The following PCDH9 variants were observed in gnomAD, a reference collection of about 807,000 sequenced individuals.
PCDH9 encodes the protein protocadherin-9.
In PCDH9, 24 loss-of-function variants were observed where a neutral mutation model predicts 70.6. The observed-to-expected ratio is 0.34, with a 90% CI of 0.25 to 0.48. The LOEUF (loss-of-function observed/expected upper bound fraction) is 0.48, where lower values mean the gene tolerates loss of function less well. PCDH9 is among the 20% of genes least tolerant of loss of function. PCDH9 has a pLI of 0.99. For synonymous variants in PCDH9, 562 were observed against 558.5 expected (o/e 1.01, Z -0.09); for missense variants, 1,281 against 1,503.6 (o/e 0.85, Z 2.45).
intron 2 of PCDH9, among the ~76,000 whole-genome samples, chr13:67,110,043 G>A (rs931905502): frequency 6.6e-6 from 1 of 152,008 alleles, no homozygotes; most frequent in Non-Finnish European, 1.5e-5. Flanking sequence ...TGATAATTTG[G>A]TCGCGGAGGC....
At chr13:67,216,279 T>C (rs1474621301) in intron 2 of PCDH9, 1 of 152,092 alleles carries the variant, frequency 6.6e-6, no homozygotes, top group Non-Finnish European at 1.5e-5. Flanking sequence ...TACCACTGCA[T>C]GGCAGAAAAT....
intron 2 of PCDH9, among the ~76,000 whole-genome samples, chr13:67,067,911 A>G (rs1413629164): frequency 6.6e-6 from 1 of 152,090 alleles, no homozygotes; most frequent in Non-Finnish European, 1.5e-5. Context: ...GGTCTGGCAA[A>G]CTTAGGTCAC....
At chr13:66,997,069 T>G (rs2084132203) in intron 2 of PCDH9, among the ~76,000 whole-genome samples, 1 of 152,200 alleles carries the variant, frequency 6.6e-6, no homozygotes, top group South Asian at 2.1e-4. Context: ...ATTATCATAT[T>G]GGAACTTGAA....
chr13:66,757,374 A>G (rs569513761), intron 3 of PCDH9, among the ~76,000 whole-genome samples: 13 of 152,144 alleles, frequency 8.5e-5, no homozygotes, highest in Non-Finnish European at 1.8e-4. Flanking sequence ...TTAGGTGACT[A>G]AATTATTTTT....
At chr13:66,305,114 A>C in intron 4 of PCDH9, 86 bp from the exon 5 acceptor site, 1 of 1,170,610 alleles carries the variant, frequency 8.5e-7, no homozygotes, top group South Asian at 1.7e-5. Context: ...GTATGTTATT[A>C]GTGATCTTAT....
At chr13:66,309,848 T>C (rs1480667763) in intron 4 of PCDH9, among the ~76,000 whole-genome samples, 2 of 151,788 alleles carry the variant, frequency 1.3e-5, no homozygotes, top group African/African-American at 2.4e-5. Context: ...TGCATCTGTG[T>C]TTTTTTCTGT....
chr13:66,391,280 T>C (rs566920914), intron 4 of PCDH9, among the ~76,000 whole-genome samples: 2 of 152,366 alleles, frequency 1.3e-5, no homozygotes, highest in Admixed American at 1.3e-4. Context: ...TCTGCATATG[T>C]ACTGCCTACT....
At chr13:67,059,504 A>G (rs1382048580) in intron 2 of PCDH9, among the ~76,000 whole-genome samples, 1 of 151,004 alleles carries the variant, frequency 6.6e-6, no homozygotes, top group Non-Finnish European at 1.5e-5. Flanking sequence ...GGGTGATTGC[A>G]AATGAAGTGG....
intron 3 of PCDH9, among the ~76,000 whole-genome samples, chr13:66,830,690 A>G (rs1399630129): frequency 2.0e-5 from 3 of 152,158 alleles, no homozygotes. Context: ...AATTTTAGCT[A>G]TTTCAATTTA....
intron 4 of PCDH9, among the ~76,000 whole-genome samples, chr13:66,453,632 C>T (rs1411612952): frequency 6.6e-6 from 1 of 152,148 alleles, no homozygotes; most frequent in Non-Finnish European, 1.5e-5. Flanking sequence ...CCACTGTGGA[C>T]ACCCATGGGG....
chr13:66,986,479 C>A (rs1046396673), intron 2 of PCDH9, among the ~76,000 whole-genome samples: 18 of 151,906 alleles, frequency 1.2e-4, no homozygotes, highest in African/African-American at 4.3e-4. Context: ...CTGTTTTTCA[C>A]TGGGATATGG....
rs117743912 is a variant in PCDH9, at chr13:66,521,690, C to G, written c.3340+109520G>C. On this transcript the variant is annotated intron_variant, in intron 4 of 4. Coordinates refer to ENST00000377865, the MANE Select transcript of PCDH9 (RefSeq NM_203487.3). ...GGTTTAACAAAACATGTGATTCAAT[C>G]CTCAAACTGCAAAATTGTTTCAAGA... is the stretch of plus-strand genomic sequence containing the variant. 4.4e-3 allele frequency among the ~76,000 whole-genome samples: 668 copies of G among 152,166 alleles called. 1 individual carries two copies. The highest frequency in any genetic ancestry group is 6.7e-3 in the Non-Finnish European group (456 of 68,004).
At chr13:66,677,101 T>C (rs550534232) in intron 3 of PCDH9, among the ~76,000 whole-genome samples, 4 of 152,206 alleles carry the variant, frequency 2.6e-5, no homozygotes, top group East Asian at 1.9e-4. Flanking sequence ...TTAAAGGGTG[T>C]GTAGCCATCA....
intron 4 of PCDH9, among the ~76,000 whole-genome samples, chr13:66,355,453 T>C (rs1956366709): frequency 6.6e-6 from 1 of 152,128 alleles, no homozygotes; most frequent in Admixed American, 6.6e-5. Flanking sequence ...TCTTTTGTTT[T>C]TGTTTTTGCC....
intron 3 of PCDH9, among the ~76,000 whole-genome samples, chr13:66,840,224 T>G (rs2081093410): frequency 6.6e-6 from 1 of 152,100 alleles, no homozygotes; most frequent in South Asian, 2.1e-4. Context: ...TAATATGGAA[T>G]CAACTACTCA....
rs185957038 is a variant in PCDH9, at chr13:67,050,742, A to G, written c.3037-147137T>C. On this transcript the variant is annotated intron_variant, in intron 2 of 4. Transcript: ENST00000377865. ...ACTGGCAAGTTGTCTTCTTTAAGCC[A>G]GCAAATTCTCTGCTCTAAAAATCAT... is the stretch of plus-strand genomic sequence containing the variant. Among the ~76,000 whole-genome samples, 185 of 152,312 alleles carry G rather than the reference A, an allele frequency of 1.2e-3. 1 individual carries two copies. Among genetic ancestry groups the G allele is most frequent in the African/African-American group, 4.2e-3 (175 of 41,574 alleles).
At chr13:67,150,406 T>C (rs2087628968) in intron 2 of PCDH9, among the ~76,000 whole-genome samples, 1 of 152,182 alleles carries the variant, frequency 6.6e-6, no homozygotes, top group African/African-American at 2.4e-5. Context: ...AAAAAATCAG[T>C]ATTAATAGAG....
chr13:66,467,049 T>C (rs993747734), intron 4 of PCDH9, among the ~76,000 whole-genome samples: 4 of 151,990 alleles, frequency 2.6e-5, no homozygotes, highest in Non-Finnish European at 5.9e-5. Context: ...GCCCCTAACC[T>C]GGAAGAATTC....
intron 2 of PCDH9, among the ~76,000 whole-genome samples, chr13:66,950,321 A>G (rs2083158836): frequency 6.6e-6 from 1 of 152,110 alleles, no homozygotes; most frequent in Non-Finnish European, 1.5e-5. Flanking sequence ...AATAGCTGTG[A>G]GATTTACAGA....
Sources: gnomAD v4.1 joint callset for allele counts (sites outside exome capture counted in the v4.1 genomes callset) on GRCh38, gnomAD v4.1.1 for gene constraint, MANE v1.5 for transcripts, NCBI Gene and HGNC (gene_info 2026-07-23, HGNC 2026-07-21) for gene names.